Variants in LRMDA observed in about 807,000 individuals in gnomAD.
LRMDA encodes leucine rich melanocyte differentiation associated.
In LRMDA, 18 loss-of-function variants were observed where a neutral mutation model predicts 29.8. That is an observed-to-expected ratio of 0.60 (90% confidence interval 0.42 to 0.90). The LOEUF (loss-of-function observed/expected upper bound fraction) is 0.90. LRMDA is among the 40% of genes least tolerant of loss of function. The probability of loss-of-function intolerance (pLI) is 0.00; values close to 1 mark genes in which losing one functional copy is unlikely to be tolerated. For synonymous variants in LRMDA, 125 were observed against 109.4 expected (o/e 1.14, Z -0.89); for missense variants, 273 against 273.9 (o/e 1.00, Z 0.02).
intron 6 of LRMDA, among the ~76,000 whole-genome samples, chr10:76,476,227 G>A (rs1437853014): frequency 6.6e-6 from 1 of 152,032 alleles, no homozygotes; most frequent in African/African-American, 2.4e-5. Context: ...TATCACCACC[G>A]ATCCCACAGA....
chr10:76,041,757 T>C (rs566880806), intron 3 of LRMDA, among the ~76,000 whole-genome samples: 60 of 152,212 alleles, frequency 3.9e-4, no homozygotes, highest in African/African-American at 1.4e-3. Flanking sequence ...AGCCTCCCCA[T>C]GACAGCTGGG....
chr10:76,054,239 T>C (rs1319920802), intron 4 of LRMDA, among the ~76,000 whole-genome samples: 1 of 152,096 alleles, frequency 6.6e-6, no homozygotes, highest in African/African-American at 2.4e-5. Context: ...GTCCTCCTAG[T>C]GTCCCTCACA....
At chr10:75,502,207 C>T (rs189600711) in intron 2 of LRMDA, among the ~76,000 whole-genome samples, 2 of 152,310 alleles carry the variant, frequency 1.3e-5, no homozygotes, top group Admixed American at 1.3e-4. Flanking sequence ...CATTGGTAAG[C>T]CTGTTCCTGA....
At chr10:75,719,771 G>T (rs1374197751) in intron 2 of LRMDA, among the ~76,000 whole-genome samples, 1 of 152,162 alleles carries the variant, frequency 6.6e-6, no homozygotes, top group African/African-American at 2.4e-5. Flanking sequence ...CAGCTTGTCG[G>T]TTCTATTACA....
At chr10:76,301,613 C>T (rs1564716394) in intron 5 of LRMDA, among the ~76,000 whole-genome samples, 1 of 152,112 alleles carries the variant, frequency 6.6e-6, no homozygotes, top group Non-Finnish European at 1.5e-5. Context: ...CTCTAAGTAG[C>T]AACTCAGCAT....
chr10:75,551,783 A>G (rs1183386540), intron 2 of LRMDA, among the ~76,000 whole-genome samples: 4 of 152,158 alleles, frequency 2.6e-5, no homozygotes, highest in Non-Finnish European at 5.9e-5. Flanking sequence ...TTATGCCTGT[A>G]ATCCCAGCAC....
At chr10:76,030,267 T>C (rs1848127483) in intron 2 of LRMDA, among the ~76,000 whole-genome samples, 2 of 152,146 alleles carry the variant, frequency 1.3e-5, no homozygotes, top group African/African-American at 2.4e-5. Context: ...TGTGTGTGTA[T>C]ATATATGTAT....
intron 2 of LRMDA, among the ~76,000 whole-genome samples, chr10:76,026,236 A>G (rs1049563519): frequency 6.6e-5 from 10 of 152,266 alleles, no homozygotes; most frequent in African/African-American, 2.4e-4. Context: ...CAGTGTTTGG[A>G]TAAAGGATGT....
chr10:75,508,929 C>T (rs1322476529), intron 2 of LRMDA, among the ~76,000 whole-genome samples: 2 of 152,132 alleles, frequency 1.3e-5, no homozygotes, highest in Non-Finnish European at 2.9e-5. Flanking sequence ...TTTCACCTGG[C>T]GTGCATCTTA....
intron 5 of LRMDA, among the ~76,000 whole-genome samples, chr10:76,321,942 C>G (rs1355080656): frequency 1.4e-5 from 2 of 143,604 alleles, no homozygotes; most frequent in Non-Finnish European, 3.0e-5. Context: ...GAGATTCTGT[C>G]TCAACAACAA....
chr10:76,483,724 T>TAAA (rs755947041), intron 6 of LRMDA, among the ~76,000 whole-genome samples: 35 of 128,714 alleles, frequency 2.7e-4, no homozygotes, highest in Middle Eastern at 3.8e-3. Flanking sequence ...AAGAAACCAT[T>TAAA]AAAAAAAAAA....
intron 2 of LRMDA, among the ~76,000 whole-genome samples, chr10:75,529,074 G>A (rs1404270104): frequency 6.6e-6 from 1 of 152,190 alleles, no homozygotes; most frequent in Non-Finnish European, 1.5e-5. Context: ...GTAAAAGGAA[G>A]AAATGATAAC....
At chr10:76,407,541 C>A (rs1177836314) in intron 6 of LRMDA, among the ~76,000 whole-genome samples, 2 of 152,122 alleles carry the variant, frequency 1.3e-5, no homozygotes, top group African/African-American at 2.4e-5. Flanking sequence ...GAATAACGAA[C>A]CTTTGTCTCG....
intron 5 of LRMDA, among the ~76,000 whole-genome samples, chr10:76,254,281 T>TTACTATACTATACTATACTA (rs756599704): frequency 1.2e-4 from 14 of 116,074 alleles, no homozygotes; most frequent in African/African-American, 4.6e-4. Flanking sequence ...TCTGTGGAAA[T>TTACTATACTATACTATACTA]TACTATACTA....
chr10:75,984,325 G>C (rs1847225832), intron 2 of LRMDA, among the ~76,000 whole-genome samples: 1 of 152,184 alleles, frequency 6.6e-6, no homozygotes, highest in Non-Finnish European at 1.5e-5. Flanking sequence ...AAAGAGACAA[G>C]AGCTCAGGCC....
intron 2 of LRMDA, among the ~76,000 whole-genome samples, chr10:75,870,610 C>T (rs1191543591): frequency 6.6e-6 from 1 of 152,190 alleles, no homozygotes; most frequent in Non-Finnish European, 1.5e-5. Context: ...TCTTATCATT[C>T]CATCCTCTCT....
intron 2 of LRMDA, among the ~76,000 whole-genome samples, chr10:75,850,553 G>T (rs1589228061): frequency 6.6e-6 from 1 of 152,170 alleles, no homozygotes; most frequent in Admixed American, 6.5e-5. Context: ...CACCATCTGG[G>T]TTTCCAAGAG....
At chr10:76,426,264 T>C (rs1324338149) in intron 6 of LRMDA, among the ~76,000 whole-genome samples, 1 of 152,212 alleles carries the variant, frequency 6.6e-6, no homozygotes, top group East Asian at 1.9e-4. Context: ...CCAGCACCTG[T>C]TGTTTCCTGA....
At chr10:75,832,224 C>A (rs1013887368) in intron 2 of LRMDA, among the ~76,000 whole-genome samples, 3 of 152,162 alleles carry the variant, frequency 2.0e-5, no homozygotes, top group Non-Finnish European at 4.4e-5. Flanking sequence ...CCCAAGTCAC[C>A]TCTTGAAGGC....
Sources: gnomAD v4.1 joint callset for allele counts (sites outside exome capture counted in the v4.1 genomes callset) on GRCh38, gnomAD v4.1.1 for gene constraint, MANE v1.5 for transcripts, NCBI Gene and HGNC (gene_info 2026-07-23, HGNC 2026-07-21) for gene names.